ADCY9: variants seen among roughly 807,000 people sequenced by gnomAD.
The protein encoded by ADCY9 is adenylate cyclase 9, also known as adenylate cyclase type 9.
Under a neutral mutation model 101.5 loss-of-function variants are expected in ADCY9, and 50 were observed. The ratio of observed to expected loss-of-function variants is 0.49; its 90% confidence interval spans 0.39 to 0.62. The LOEUF is 0.62. Ranked by LOEUF, ADCY9 falls within the 20% of genes least tolerant of loss-of-function variation. ADCY9 has a pLI of 0.00. For missense variants in ADCY9, 1,662 were observed against 1,800.4 expected (o/e 0.92, Z 1.39); for synonymous variants, 905 against 769.3 (o/e 1.18, Z -2.92).
At position 4,044,953 on chromosome 16, in the gene ADCY9, C is replaced by T. The variant is rs7198704; in HGVS notation, c.1694-37395G>A. On this transcript the variant is annotated intron_variant, in intron 2 of 10. Transcript: ENST00000294016. ...CCCGCACGTGACTGCCAACTCTTTA[C>T]GAGATGAGGCTGTGCTGGCTCGGTA... Among the ~76,000 whole-genome samples the T allele has an allele frequency of 4.6e-5, 7 of 152,246 alleles. No individual in the cohort carries two copies. The South Asian group carries it at 8.3e-4, about 18-fold the overall frequency.
At chr16:3,973,271 G>C (rs182244644) in intron 10 of ADCY9, among the ~76,000 whole-genome samples, 1 of 151,984 alleles carries the variant, frequency 6.6e-6, no homozygotes, top group Non-Finnish European at 1.5e-5. Context: ...TGCAGTGGCC[G>C]ATCTTGGCTC....
Position 3,979,255 on chromosome 16 carries a change from T to C in ADCY9, c.2540A>G (p.Asp847Gly). The change falls in exon 8 of 11, where the codon GAC becomes GGC. Residue 847 changes from aspartate (D) to glycine (G), a missense_variant. This residue lies in a region of ADCY9 where 624 missense variants were observed against 639.1 expected (regional missense o/e 0.98). Coordinates refer to ENST00000294016, the MANE Select transcript of ADCY9 (RefSeq NM_001116.4). ...CAGGCGCTTGGTGCAGGCCATGACG[T>C]CCTCCAGGAAGAACACCATCCTGCG... is the stretch of plus-strand genomic sequence containing the variant. ...VSIRMVFFLE[D>G]VMACTKRLLE... is the part of the protein sequence containing the mutation. 6.2e-7 allele frequency: 1 copy of C among 1,613,746 alleles called. No individual in the cohort carries two copies.
At chr16:4,024,418 C>T (rs1486253622) in intron 2 of ADCY9, among the ~76,000 whole-genome samples, 4 of 152,216 alleles carry the variant, frequency 2.6e-5, no homozygotes, top group African/African-American at 9.6e-5. Flanking sequence ...CTCCACTTCT[C>T]CTAACGTGAA....
chr16:4,007,525 G>T lies in ADCY9; in HGVS notation c.1727C>A (p.Ala576Asp). 1.2e-6 allele frequency: 2 copies of T among 1,611,900 alleles called. No homozygotes were observed. Among genetic ancestry groups the T allele is most frequent in the Non-Finnish European group, 1.7e-6 (2 of 1,179,404 alleles). Reference sequence around the variant, plus strand: ...TGCACAGCTGCAGCGAGACTCCTTGGCTCTCTGACCCGATATCAGGTATGT... The same window carrying T: ...TGCACAGCTGCAGCGAGACTCCTTGTCTCTCTGACCCGATATCAGGTATGT... Reference protein sequence around the residue: ...LKTYLISGQRAKESRCSCAEA... With the variant: ...LKTYLISGQRDKESRCSCAEA... The change falls in exon 3 of 11, where the codon GCC (alanine) becomes GAC (aspartate). Residue 576 changes from alanine to aspartate, a missense_variant. Coordinates refer to ENST00000294016, the MANE Select transcript of ADCY9 (RefSeq NM_001116.4).
At chr16:4,039,291 C>A (rs138749221) in intron 2 of ADCY9, among the ~76,000 whole-genome samples, 7 of 152,262 alleles carry the variant, frequency 4.6e-5, no homozygotes, top group African/African-American at 1.2e-4. Flanking sequence ...TGTTACACGC[C>A]CTCATGCCGT....
At chr16:4,078,595 A>T (rs1252462771) in intron 2 of ADCY9, among the ~76,000 whole-genome samples, 1 of 151,548 alleles carries the variant, frequency 6.6e-6, no homozygotes, top group African/African-American at 2.4e-5. Flanking sequence ...ACATAAAAGT[A>T]TTAGAAGAAA....
chr16:4,113,654 A>G, intron 2 of ADCY9, 96 bp downstream of exon 2: 10 of 1,463,034 alleles, frequency 6.8e-6, no homozygotes, highest in Non-Finnish European at 9.2e-6. Context: ...GAGATACCTG[A>G]GCTGTCTGCA....
intron 2 of ADCY9, among the ~76,000 whole-genome samples, chr16:4,050,773 G>C (rs1050812204): frequency 8.0e-5 from 12 of 149,422 alleles, no homozygotes; most frequent in Non-Finnish European, 1.8e-4. Context: ...CCTTGTAGCC[G>C]TAATAGCCCA....
At chr16:4,026,349 G>A (rs747760477) in intron 2 of ADCY9, among the ~76,000 whole-genome samples, 25 of 151,196 alleles carry the variant, frequency 1.7e-4, no homozygotes, top group East Asian at 3.9e-4. Flanking sequence ...ACTTGAACCC[G>A]GGAGGCGGAC....
intron 2 of ADCY9, among the ~76,000 whole-genome samples, chr16:4,053,741 G>A (rs112287484): frequency 3.9e-5 from 6 of 152,178 alleles, no homozygotes; most frequent in Non-Finnish European, 8.8e-5. Context: ...GGCCTGGGAC[G>A]CAGCCAGTGA....
intron 2 of ADCY9, among the ~76,000 whole-genome samples, chr16:4,064,878 T>C (rs1746779540): frequency 6.6e-6 from 1 of 152,182 alleles, no homozygotes; most frequent in Non-Finnish European, 1.5e-5. Context: ...TTCCTCACTC[T>C]TTACCCTCGG....
At position 4,054,626 on chromosome 16, in the gene ADCY9, A is replaced by G. The variant is rs1372496705; in HGVS notation, c.1694-47068T>C. Among the ~76,000 whole-genome samples, 3 of 150,826 alleles carry G rather than the reference A, an allele frequency of 2.0e-5. No homozygotes were observed. In the Admixed American group the frequency reaches 2.0e-4, roughly 10 times the overall value. ...CGCTCTGTCACCCAGGCTGGAGTGC[A>G]GTGGCACAATCTCGGCTCACTGCAA... On this transcript the variant is annotated intron_variant, in intron 2 of 10. Coordinates refer to ENST00000294016, the MANE Select transcript of ADCY9 (RefSeq NM_001116.4).
Position 3,979,277 on chromosome 16 carries a change from T to C in ADCY9, c.2520-2A>G. 1.2e-6 allele frequency: 2 copies of C among 1,613,574 alleles called. No individual in the cohort carries two copies. Among genetic ancestry groups the C allele is most frequent in the Non-Finnish European group, 1.7e-6 (2 of 1,179,864 alleles). ...ACGTCCTCCAGGAAGAACACCATCC[T>C]GCGAGAGGCATGGGGGTTAGCAGGA... On this transcript the variant is annotated splice_acceptor_variant, in intron 7 of 10. Transcript: ENST00000294016. LOFTEE classifies it high-confidence loss of function.
chr16:4,037,207 A>T (rs2141761500), intron 2 of ADCY9, among the ~76,000 whole-genome samples: 1 of 151,870 alleles, frequency 6.6e-6, no homozygotes, highest in South Asian at 2.1e-4. Context: ...GGTCCCAACT[A>T]CTCGTGTGGC....
rs2055984729 is a variant in ADCY9 at position 3,965,732 on chromosome 16, G to A, written c.*43C>T. Reference sequence around the variant, plus strand: ...AACAGCCAAATACAAATATTACTGTGTTTCGACAAACAGAGCACCTCGGGC... The same window carrying A: ...AACAGCCAAATACAAATATTACTGTATTTCGACAAACAGAGCACCTCGGGC... On this transcript the variant is annotated 3_prime_UTR_variant, in exon 11 of 11. Transcript: ENST00000294016. 3.9e-6 allele frequency: 6 copies of A among 1,553,078 alleles called. No individual in the cohort carries two copies. Among genetic ancestry groups the A allele is most frequent in the Non-Finnish European group, 5.3e-6 (6 of 1,141,106 alleles).
At chr16:4,029,724 G>A (rs915877698) in intron 2 of ADCY9, among the ~76,000 whole-genome samples, 18 of 152,078 alleles carry the variant, frequency 1.2e-4, no homozygotes, top group Admixed American at 9.2e-4. Flanking sequence ...CAGCCTGGGC[G>A]ACAGAGTGAG....
intron 2 of ADCY9, among the ~76,000 whole-genome samples, chr16:4,016,259 T>C (rs1319121682): frequency 6.6e-6 from 1 of 152,144 alleles, no homozygotes; most frequent in Non-Finnish European, 1.5e-5. Context: ...GAAATGAAGG[T>C]CTGCAATAAC....
At chr16:4,091,526 C>T (rs766320393) in intron 2 of ADCY9, among the ~76,000 whole-genome samples, 12 of 152,194 alleles carry the variant, frequency 7.9e-5, no homozygotes, top group Non-Finnish European at 1.5e-4. Flanking sequence ...CCCAGCAGCA[C>T]CATCCACAAT....
Position 4,084,059 on chromosome 16 carries a change from C to T in ADCY9, c.1693+29691G>A, listed in dbSNP as rs552287810. Among the ~76,000 whole-genome samples, 14 of 152,058 alleles carry T rather than the reference C, an allele frequency of 9.2e-5. No individual in the cohort carries two copies. The East Asian group carries it at 2.7e-3, about 29-fold the overall frequency. ...TGACACAGGGTCTCACCCTGTCACC[C>T]AGGCTGGGTGACAGGTGAATTACAT... is the stretch of plus-strand genomic sequence containing the variant. On this transcript the variant is annotated intron_variant, in intron 2 of 10. Transcript: ENST00000294016.
Sources: gnomAD v4.1 joint callset for allele counts (sites outside exome capture counted in the v4.1 genomes callset) on GRCh38, gnomAD v4.1.1 for gene constraint, gnomAD v4.1.1 regional missense constraint, MANE v1.5 for transcripts, NCBI Gene and HGNC (gene_info 2026-07-23, HGNC 2026-07-21) for gene names.